SH3RF3: variants seen among roughly 807,000 people sequenced by gnomAD.
SH3RF3 encodes the protein E3 ubiquitin-protein ligase SH3RF3.
Under a neutral mutation model 66.3 loss-of-function variants are expected in SH3RF3, and 29 were observed. The observed-to-expected ratio is 0.44, with a 90% CI of 0.33 to 0.60. SH3RF3 has a LOEUF of 0.60. Among genes scored for constraint, SH3RF3 ranks in the 20% least tolerant of loss-of-function variants. The pLI is 0.04. For synonymous variants in SH3RF3, 583 were observed against 532.0 expected (o/e 1.10, Z -1.32); for missense variants, 1,194 against 1,190.9 (o/e 1.00, Z -0.04).
intron 1 of SH3RF3, among the ~76,000 whole-genome samples, chr2:109,232,119 T>A (rs115178016): frequency 0.013 from 1,935 of 152,340 alleles, 20 homozygotes; most frequent in South Asian, 0.024. Context: ...GTCTGTTTGG[T>A]CTTAAGTTAC....
chr2:109,251,140 T>C (rs901783629), intron 1 of SH3RF3, among the ~76,000 whole-genome samples: 14 of 152,086 alleles, frequency 9.2e-5, no homozygotes, highest in African/African-American at 3.4e-4. Context: ...GTAGCTGGGA[T>C]TACAGGCATC....
chr2:109,299,541 C>T (rs766580202), intron 1 of SH3RF3, among the ~76,000 whole-genome samples: 18 of 152,122 alleles, frequency 1.2e-4, no homozygotes, highest in South Asian at 2.1e-4. Context: ...AGGAGGACTG[C>T]GCTCCCAGGG....
At chr2:109,481,837 T>A (rs576020097) in intron 8 of SH3RF3, among the ~76,000 whole-genome samples, 1 of 151,916 alleles carries the variant, frequency 6.6e-6, no homozygotes, top group Admixed American at 6.6e-5. Flanking sequence ...AGGGGCAAGG[T>A]GCCTGCCCAG....
intron 3 of SH3RF3, among the ~76,000 whole-genome samples, chr2:109,393,015 A>C (rs918591307): frequency 6.6e-6 from 1 of 152,160 alleles, no homozygotes; most frequent in Non-Finnish European, 1.5e-5. Flanking sequence ...CGTGTTTTAC[A>C]ACTGGCAAGT....
chr2:109,291,280 C>CTTT (rs11295870), intron 1 of SH3RF3, among the ~76,000 whole-genome samples: 1 of 137,268 alleles, frequency 7.3e-6, no homozygotes, highest in Non-Finnish European at 1.6e-5. Context: ...AGAGTAATCT[C>CTTT]TTTTTTTTTT....
intron 1 of SH3RF3, among the ~76,000 whole-genome samples, chr2:109,153,659 T>C (rs1677272043): frequency 1.3e-5 from 2 of 152,066 alleles, no homozygotes; most frequent in South Asian, 2.1e-4. Context: ...ACCCCAGTTA[T>C]TTTATTTCTG....
intron 8 of SH3RF3, among the ~76,000 whole-genome samples, chr2:109,476,497 A>C (rs1234228774): frequency 3.3e-5 from 5 of 152,334 alleles, no homozygotes; most frequent in Non-Finnish European, 7.3e-5. Flanking sequence ...AGAACCCAAG[A>C]TATTTGGACC....
intron 2 of SH3RF3, among the ~76,000 whole-genome samples, chr2:109,364,522 C>G (rs1475779886): frequency 6.6e-6 from 1 of 152,180 alleles, no homozygotes; most frequent in Non-Finnish European, 1.5e-5. Context: ...TTTTGCCTTT[C>G]AGTATGTACT....
intron 1 of SH3RF3, among the ~76,000 whole-genome samples, chr2:109,253,432 G>T (rs1680142356): frequency 6.6e-6 from 1 of 152,206 alleles, no homozygotes; most frequent in Admixed American, 6.5e-5. Context: ...CAGGACGTGG[G>T]CGCTGCTTTC....
At chr2:109,417,273 C>A (rs186201222) in intron 4 of SH3RF3, among the ~76,000 whole-genome samples, 8 of 152,158 alleles carry the variant, frequency 5.3e-5, no homozygotes, top group Non-Finnish European at 1.2e-4. Flanking sequence ...TACTTGCCCT[C>A]CAGCCCCCAC....
At chr2:109,278,273 C>T (rs923367120) in intron 1 of SH3RF3, among the ~76,000 whole-genome samples, 2 of 152,196 alleles carry the variant, frequency 1.3e-5, no homozygotes, top group South Asian at 2.1e-4. Flanking sequence ...GGCACTTTAT[C>T]GGCAGGGCCC....
intron 1 of SH3RF3, among the ~76,000 whole-genome samples, chr2:109,306,441 A>C (rs1681599427): frequency 6.6e-6 from 1 of 152,202 alleles, no homozygotes; most frequent in Admixed American, 6.5e-5. Flanking sequence ...CTGCCCTTGC[A>C]GGCAGGCTGC....
At chr2:109,353,262 G>A (rs754897278) in intron 2 of SH3RF3, among the ~76,000 whole-genome samples, 2 of 152,188 alleles carry the variant, frequency 1.3e-5, no homozygotes, top group Admixed American at 6.5e-5. Flanking sequence ...CCCTGCAGCC[G>A]AGCCCACTGC....
rs373983792 is a variant in SH3RF3, at chr2:109,353,764, G to A, written c.849+5815G>A. Among the ~76,000 whole-genome samples the A allele has an allele frequency of 1.5e-4, 23 of 152,350 alleles. No individual in the cohort carries two copies. The South Asian group carries it at 4.8e-3, about 32-fold the overall frequency. Reference sequence around the variant, plus strand: ...ACCCAAAGACGTGGAGACAAGACGAGAGAGTCTCCCCTGCCCGTGTGTGCA... The same window carrying A: ...ACCCAAAGACGTGGAGACAAGACGAAAGAGTCTCCCCTGCCCGTGTGTGCA... On this transcript the variant is annotated intron_variant, in intron 2 of 9. Transcript: ENST00000309415.
In SH3RF3 at chr2:109,130,017, C is replaced by T. The variant is rs989342200; in HGVS notation, c.477C>T (p.Ser159=). ...GCGGCGGGGGCGGCGCGGCAGGCAG[C>T]ACCCCGGGTTCCCCGGTTTTCCTCT... ...LAGGGGGAAG[S]TPGSPVFLSA... is the part of the protein sequence containing the mutation. The change falls in exon 1 of 10, where the codon AGC becomes AGT. Residue 159 remains serine, a synonymous_variant. Transcript: ENST00000309415. 38 of 1,313,422 alleles carry T rather than the reference C, an allele frequency of 2.9e-5. No individual in the cohort carries two copies. Among genetic ancestry groups the T allele is most frequent in the African/African-American group, 4.6e-5 (3 of 64,846 alleles). The allele number at this position is 1,313,422 out of a possible 1,614,324, so 81.4% of individuals were successfully genotyped here.
At chr2:109,157,954 T>C (rs953358864) in intron 1 of SH3RF3, among the ~76,000 whole-genome samples, 5 of 152,144 alleles carry the variant, frequency 3.3e-5, no homozygotes, top group African/African-American at 1.2e-4. Flanking sequence ...CACTGTTTAG[T>C]GACGAGGGAG....
chr2:109,395,398 C>G (rs1401897151), intron 3 of SH3RF3, among the ~76,000 whole-genome samples: 4 of 152,230 alleles, frequency 2.6e-5, no homozygotes, highest in African/African-American at 9.6e-5. Flanking sequence ...CTAACCCCTC[C>G]TCTTCCTGGG....
intron 1 of SH3RF3, among the ~76,000 whole-genome samples, chr2:109,135,157 C>A (rs1175924091): frequency 6.6e-6 from 1 of 152,224 alleles, no homozygotes; most frequent in Admixed American, 6.5e-5. Context: ...TCCCCTTGTA[C>A]TTAGTCTCCA....
rs879397925 is a variant in SH3RF3, at chr2:109,136,234, A to AC, written c.573+6121_573+6122insC. ...TCTTTTTTGAGGTGCATTAAAAAAAAACACACACATCAGCAAGCATTTGCT... is the reference window on the plus strand; with the variant it reads ...TCTTTTTTGAGGTGCATTAAAAAAAACACACACACATCAGCAAGCATTTGCT... On this transcript the variant is annotated intron_variant, in intron 1 of 9. Coordinates refer to ENST00000309415, the MANE Select transcript of SH3RF3 (RefSeq NM_001099289.3). Among the ~76,000 whole-genome samples, 91 of 152,288 alleles carry AC rather than the reference A, an allele frequency of 6.0e-4. 1 individual carries two copies. Among genetic ancestry groups the AC allele is most frequent in the Non-Finnish European group, 9.1e-4 (62 of 68,022 alleles).
Sources: gnomAD v4.1 joint callset for allele counts (sites outside exome capture counted in the v4.1 genomes callset) on GRCh38, gnomAD v4.1.1 for gene constraint, MANE v1.5 for transcripts, NCBI Gene and HGNC (gene_info 2026-07-23, HGNC 2026-07-21) for gene names.